The following KLF8 variants were observed in gnomAD, a reference collection of about 807,000 sequenced individuals.
KLF8 encodes KLF transcription factor 8, also known as Krueppel-like factor 8.
KLF8 carries 10 observed loss-of-function variants against 18.2 expected under a neutral mutation model. That is an observed-to-expected ratio of 0.55 (90% CI 0.34 to 0.93). The LOEUF (loss-of-function observed/expected upper bound fraction) is 0.93. Among genes scored for constraint, KLF8 ranks in the 40% least tolerant of loss-of-function variants. The pLI is 0.02. For synonymous variants in KLF8, 109 were observed against 97.3 expected (o/e 1.12, Z -0.71); for missense variants, 264 against 277.9 (o/e 0.95, Z 0.36).
At chrX:56,191,174 T>G in the KLF8 span, among the ~76,000 whole-genome samples, 1,921 of 111,661 alleles carry the variant, frequency 0.017, 50 homozygotes, top group African/African-American at 0.06. Flanking sequence ...GTGGCTACTA[T>G]GGGCAACTAT....
At chrX:56,148,078 T>C in the KLF8 span, among the ~76,000 whole-genome samples, 8 of 112,310 alleles carry the variant, frequency 7.1e-5, no homozygotes, top group Non-Finnish European at 1.3e-4. Context: ...TTTTGTGTTA[T>C]GTGAATTTTA....
At chrX:56,170,046 G>C in the KLF8 span, among the ~76,000 whole-genome samples, 1 of 110,743 alleles carries the variant, frequency 9.0e-6, no homozygotes, top group Non-Finnish European at 1.9e-5. Context: ...GTCTCTGCCT[G>C]GTAATCAATA....
intron 1 of KLF8, among the ~76,000 whole-genome samples, chrX:56,236,879 T>TGA (rs1491010481): frequency 9.4e-6 from 1 of 106,488 alleles, no homozygotes; most frequent in African/African-American, 3.4e-5. Context: ...TGTGTGTGTG[T>TGA]GAATAACATT....
chrX:55,939,233 T>A, the KLF8 span, among the ~76,000 whole-genome samples: 8 of 110,996 alleles, frequency 7.2e-5, no homozygotes, highest in African/African-American at 2.3e-4. Context: ...ACTCAAAACC[T>A]CTCAAGTACA....
chrX:56,137,734 C>T, the KLF8 span, among the ~76,000 whole-genome samples: 2 of 104,062 alleles, frequency 1.9e-5, no homozygotes, highest in African/African-American at 7.1e-5. Flanking sequence ...CACATGTACC[C>T]TAAAACTTAA....
chrX:56,029,687 T>A, the KLF8 span, among the ~76,000 whole-genome samples: 2 of 112,192 alleles, frequency 1.8e-5, no homozygotes, highest in East Asian at 5.6e-4. Flanking sequence ...TGCATCACCT[T>A]GCTTCTCTTT....
At chrX:55,974,749 G>T in the KLF8 span, among the ~76,000 whole-genome samples, 1 of 112,327 alleles carries the variant, frequency 8.9e-6, no homozygotes, top group East Asian at 2.8e-4. Flanking sequence ...AGATATTATA[G>T]TCTAGTAAGT....
the KLF8 span, among the ~76,000 whole-genome samples, chrX:56,215,034 G>T: frequency 4.4e-5 from 5 of 112,384 alleles, no homozygotes; most frequent in Non-Finnish European, 9.4e-5. Context: ...AAGCGGCCAA[G>T]TTGATCAGTA....
At chrX:56,168,131 C>T in the KLF8 span, among the ~76,000 whole-genome samples, 3 of 111,481 alleles carry the variant, frequency 2.7e-5, no homozygotes, top group Non-Finnish European at 3.8e-5. Context: ...GTATTTTTCT[C>T]GATAATGTCA....
chrX:56,045,663 C>T, the KLF8 span, among the ~76,000 whole-genome samples: 1 of 111,334 alleles, frequency 9.0e-6, no homozygotes, highest in Admixed American at 9.6e-5. Context: ...TTTTTTTGCA[C>T]CTGTTGTAAA....
At chrX:56,040,097 G>T in the KLF8 span, among the ~76,000 whole-genome samples, 1 of 111,512 alleles carries the variant, frequency 9.0e-6, no homozygotes, top group African/African-American at 3.3e-5. Context: ...CATTACTGAT[G>T]ATTCTTATCA....
the KLF8 span, among the ~76,000 whole-genome samples, chrX:56,192,092 A>T: frequency 8.9e-6 from 1 of 112,086 alleles, no homozygotes; most frequent in African/African-American, 3.2e-5. Flanking sequence ...GATTCCACAA[A>T]AACTATAAGA....
the KLF8 span, among the ~76,000 whole-genome samples, chrX:55,964,586 C>A: frequency 6.3e-5 from 7 of 110,877 alleles, no homozygotes; most frequent in Admixed American, 5.7e-4. Flanking sequence ...CACACACACA[C>A]AAAATCTATA....
the KLF8 span, among the ~76,000 whole-genome samples, chrX:55,975,786 A>T: frequency 3.3e-4 from 37 of 111,167 alleles, 1 homozygote; most frequent in Admixed American, 1.1e-3. Flanking sequence ...GACTTTTTTA[A>T]AAAAAAATTG....
At chrX:56,152,928 T>A in the KLF8 span, among the ~76,000 whole-genome samples, 1 of 111,929 alleles carries the variant, frequency 8.9e-6, no homozygotes, top group Non-Finnish European at 1.9e-5. Context: ...TAGCATAGCA[T>A]AAGAATCCAA....
chrX:56,090,252 A>T, the KLF8 span, among the ~76,000 whole-genome samples: 2 of 112,147 alleles, frequency 1.8e-5, no homozygotes, highest in Non-Finnish European at 3.8e-5. Flanking sequence ...TATATGACAA[A>T]TAGAGCTACA....
the KLF8 span, among the ~76,000 whole-genome samples, chrX:56,200,017 A>G: frequency 1.5e-4 from 17 of 111,458 alleles, no homozygotes; most frequent in East Asian, 4.5e-3. Flanking sequence ...TCACTCATAG[A>G]TGGGATTTGA....
the KLF8 span, among the ~76,000 whole-genome samples, chrX:55,942,451 T>A: frequency 2.7e-5 from 3 of 110,268 alleles, no homozygotes; most frequent in Non-Finnish European, 5.7e-5. Context: ...CACACCAACA[T>A]TGCACATGTG....
At chrX:56,084,231 A>G in the KLF8 span, among the ~76,000 whole-genome samples, 3 of 110,667 alleles carry the variant, frequency 2.7e-5, no homozygotes, top group South Asian at 3.9e-4. Context: ...ATTTTTTAAA[A>G]AAATGGCCAA....
Sources: allele counts gnomAD v4.1 joint callset (sites outside exome capture counted in the v4.1 genomes callset), GRCh38; gene constraint gnomAD v4.1.1; transcripts MANE v1.5; gene names NCBI Gene and HGNC (gene_info 2026-07-23, HGNC 2026-07-21).